The following GSAP variants were observed in gnomAD, a reference collection of about 807,000 sequenced individuals.
GSAP encodes the protein gamma-secretase activating protein, also known as gamma-secretase-activating protein.
In GSAP, 118 loss-of-function variants were observed where a neutral mutation model predicts 131.7. That is an observed-to-expected ratio of 0.90 (90% CI 0.77 to 1.04). The LOEUF (loss-of-function observed/expected upper bound fraction) is 1.04, where lower values mean the gene tolerates loss of function less well. Among genes scored for constraint, GSAP ranks in the 50% least tolerant of loss-of-function variants. The pLI is 0.00. For synonymous variants in GSAP, 381 were observed against 363.4 expected, an observed-to-expected ratio of 1.05 and a Z score of -0.55; for missense variants, 1,019 against 1,013.2, an observed-to-expected ratio of 1.01 and a Z score of -0.08.
At chr7:77,381,076 T>C (rs1035535584) in intron 8 of GSAP, among the ~76,000 whole-genome samples, 3 of 152,186 alleles carry the variant, frequency 2.0e-5, no homozygotes, top group African/African-American at 7.2e-5. Flanking sequence ...CAGGCTGTTA[T>C]TAGCTACCTC....
intron 19 of GSAP, among the ~76,000 whole-genome samples, chr7:77,345,914 A>G (rs530848196): frequency 6.6e-6 from 1 of 152,334 alleles, no homozygotes; most frequent in African/African-American, 2.4e-5. Context: ...ATCACAAAAT[A>G]AGAATCAAAT....
At chr7:77,368,545 T>C (rs1338735119) in intron 12 of GSAP, among the ~76,000 whole-genome samples, 1 of 152,132 alleles carries the variant, frequency 6.6e-6, no homozygotes, top group Middle Eastern at 3.2e-3. Context: ...TCAGAATCTC[T>C]GGGGGGTGAG....
intron 1 of GSAP, among the ~76,000 whole-genome samples, chr7:77,409,394 A>G (rs1408367929): frequency 6.6e-6 from 1 of 152,214 alleles, no homozygotes; most frequent in African/African-American, 2.4e-5. Flanking sequence ...TCTGCATTGT[A>G]TAAGGTATTC....
chr7:77,373,559 A>G (rs1796435443), intron 12 of GSAP, among the ~76,000 whole-genome samples: 1 of 152,190 alleles, frequency 6.6e-6, no homozygotes, highest in Non-Finnish European at 1.5e-5. Flanking sequence ...TCTCATCTTT[A>G]GGTATTTTTC....
intron 1 of GSAP, among the ~76,000 whole-genome samples, chr7:77,408,008 C>T (rs1583937475): frequency 1.3e-5 from 2 of 152,324 alleles, no homozygotes; most frequent in East Asian, 1.9e-4. Flanking sequence ...TTGTATGTTT[C>T]AATTCATACA....
chr7:77,377,237 T>TTAAAAAAAAAAA, intron 9 of GSAP, 49 bp downstream of exon 9: 1 of 891,784 alleles, frequency 1.1e-6, no homozygotes, highest in South Asian at 3.5e-5. Context: ...AATATTTTTG[T>TTAAAAAAAAAAA]AAAAAAAAAA....
At chr7:77,390,174 C>G (rs1319811517) in intron 5 of GSAP, among the ~76,000 whole-genome samples, 2 of 152,086 alleles carry the variant, frequency 1.3e-5, no homozygotes, top group Non-Finnish European at 2.9e-5. Flanking sequence ...ATTGTAGATT[C>G]TGGATATTAG....
At chr7:77,319,857 C>T (rs1313562098) in intron 26 of GSAP, among the ~76,000 whole-genome samples, 1 of 152,164 alleles carries the variant, frequency 6.6e-6, no homozygotes, top group Non-Finnish European at 1.5e-5. Flanking sequence ...GAAGGTAGAA[C>T]AGTGCTTGCC....
intron 10 of GSAP, among the ~76,000 whole-genome samples, chr7:77,375,964 A>G (rs1042745160): frequency 1.8e-4 from 28 of 152,232 alleles, no homozygotes; most frequent in Admixed American, 1.7e-3. Flanking sequence ...AAGTTCTTAA[A>G]TTGAAATTTT....
At chr7:77,415,019 A>G (rs149347451) in intron 1 of GSAP, among the ~76,000 whole-genome samples, 1,948 of 152,100 alleles carry the variant, frequency 0.013, 7 homozygotes, top group Non-Finnish European at 0.02. Flanking sequence ...CACCACGCCC[A>G]GCTAATTTTT....
chr7:77,406,112 T>C lies in GSAP; in HGVS notation c.110-7A>G. The C allele has an allele frequency of 1.6e-6, 2 of 1,263,160 alleles. No individual in the cohort carries two copies. Among genetic ancestry groups the C allele is most frequent in the Non-Finnish European group, 2.1e-6 (2 of 969,374 alleles). 78.2% of individuals were successfully genotyped at this position (1,263,160 alleles called of 1,614,324 possible). A position where few individuals can be genotyped will look rare whatever the true frequency, so the allele number is the denominator to read the frequency against. ...TAATCGTTTTCTAAAACATCTGAAATGATAATAGGAGGTTAATACTCAGCA... is the reference window on the plus strand; with the variant it reads ...TAATCGTTTTCTAAAACATCTGAAACGATAATAGGAGGTTAATACTCAGCA... On this transcript the variant is annotated splice_polypyrimidine_tract_variant and splice_region_variant and intron_variant, in intron 1 of 30. Transcript: ENST00000257626.
intron 9 of GSAP, 47 bp downstream of exon 9, chr7:77,377,237 TAA>T (rs533755073): frequency 0.021 from 18,670 of 880,460 alleles, no homozygotes; most frequent in East Asian, 0.057. Context: ...AATATTTTTG[TAA>T]AAAAAAAAAA....
chr7:77,319,326 G>A (rs1323986693), intron 26 of GSAP, among the ~76,000 whole-genome samples: 2 of 152,094 alleles, frequency 1.3e-5, no homozygotes, highest in African/African-American at 2.4e-5. Context: ...TCAGGGAAAT[G>A]CACATCAAAA....
chr7:77,416,239 G>A lies in GSAP; in HGVS notation c.83C>T (p.Ala28Val), dbSNP rs1804447983. The stretch of plus-strand genomic sequence containing the variant: ...TGCGCCGCCGCTTCCGGCCCCGCTG[G>A]CCTCCGACACTGCCCGCTGCGCCCG... Reference protein sequence around the residue: ...WLRAQRAVSEASGAGSGGADV... With the variant: ...WLRAQRAVSEVSGAGSGGADV... Residue 28 changes from alanine (A) to valine (V), a missense_variant, in exon 1 of 31, where the codon GCC becomes GTC. Ala to Val is a moderately conservative substitution (Grantham distance 64). Coordinates refer to ENST00000257626, the MANE Select transcript of GSAP (RefSeq NM_017439.4). 2.0e-6 allele frequency: 3 copies of A among 1,483,618 alleles called. No homozygotes were observed. The highest frequency in any genetic ancestry group is 1.3e-5 in the South Asian group (1 of 77,954). The allele number at this position is 1,483,618 out of a possible 1,614,324, so 91.9% of individuals were successfully genotyped here.
In GSAP at chr7:77,412,096, T is replaced by C. The variant is rs575554630; in HGVS notation, c.109+4117A>G. ...TGGGAGGCTGAGGCAGGAGAATCGCTTGAACCCGGGAGGTGGAGGTTGCAG... is the reference window on the plus strand; with the variant it reads ...TGGGAGGCTGAGGCAGGAGAATCGCCTGAACCCGGGAGGTGGAGGTTGCAG... On this transcript the variant is annotated intron_variant, in intron 1 of 30. Coordinates refer to ENST00000257626, the MANE Select transcript of GSAP (RefSeq NM_017439.4). Among the ~76,000 whole-genome samples the C allele has an allele frequency of 5.3e-5, 8 of 152,284 alleles. 1 individual carries two copies. The South Asian group carries it at 1.7e-3, about 32-fold the overall frequency.
chr7:77,370,070 T>C (rs573506580), intron 12 of GSAP, among the ~76,000 whole-genome samples: 1 of 152,262 alleles, frequency 6.6e-6, no homozygotes, highest in South Asian at 2.1e-4. Context: ...CAGCTAGTAA[T>C]GGTCACGAGA....
At chr7:77,416,513 C>A (rs1339266627), upstream of GSAP, 4 of 409,516 alleles carry the variant, frequency 9.8e-6, no homozygotes, top group Non-Finnish European at 1.7e-5. Context: ...GCGGCCCGCA[C>A]CTGAGCCGGA....
chr7:77,351,780 C>A, intron 18 of GSAP: 1 of 955,860 alleles, frequency 1.0e-6, no homozygotes, highest in Non-Finnish European at 1.2e-6. Context: ...TAACACAACC[C>A]TGGGAACCAG....
chr7:77,336,073 G>C lies in GSAP; in HGVS notation c.1546-5706C>G, dbSNP rs17151926. Among the ~76,000 whole-genome samples, 1,058 of 152,288 alleles carry C rather than the reference G, an allele frequency of 6.9e-3. 35 individuals are homozygous for C. The highest frequency in any genetic ancestry group is 0.055 in the East Asian group (286 of 5,180). ...AGGGAAACGCATGCTGCAATTTCAAGGTCTCCTGAATATAATTGGACTTGC... is the reference window on the plus strand; with the variant it reads ...AGGGAAACGCATGCTGCAATTTCAACGTCTCCTGAATATAATTGGACTTGC... On this transcript the variant is annotated intron_variant, in intron 19 of 30. Coordinates refer to ENST00000257626, the MANE Select transcript of GSAP (RefSeq NM_017439.4).
Sources: allele counts gnomAD v4.1 joint callset (sites outside exome capture counted in the v4.1 genomes callset), GRCh38; gene constraint gnomAD v4.1.1; transcripts MANE v1.5; gene names NCBI Gene and HGNC (gene_info 2026-07-23, HGNC 2026-07-21).